CSGALNACT1: variants seen among roughly 807,000 people sequenced by gnomAD.
CSGALNACT1 encodes chondroitin sulfate N-acetylgalactosaminyltransferase 1, also known as beta4GalNAcT-1.
Under a neutral mutation model 51.0 loss-of-function variants are expected in CSGALNACT1, and 52 were observed. The observed-to-expected ratio is 1.02, with a 90% CI of 0.82 to 1.29. The LOEUF (loss-of-function observed/expected upper bound fraction) is 1.29, where lower values mean the gene tolerates loss of function less well. CSGALNACT1 is among the 50% of genes most tolerant of loss of function. The pLI is 0.00. For synonymous variants in CSGALNACT1, 341 were observed against 254.4 expected (o/e 1.34, Z -3.24); for missense variants, 935 against 679.2 (o/e 1.38, Z -4.19).
At chr8:19,410,042 C>T (rs1194890284) in intron 8 of CSGALNACT1, among the ~76,000 whole-genome samples, 1 of 152,150 alleles carries the variant, frequency 6.6e-6, no homozygotes, top group African/African-American at 2.4e-5. Context: ...TTCTTTAACT[C>T]TGTAACATAT....
At chr8:19,589,523 A>G (rs542450733) in intron 3 of CSGALNACT1, among the ~76,000 whole-genome samples, 52 of 152,238 alleles carry the variant, frequency 3.4e-4, no homozygotes, top group Non-Finnish European at 6.8e-4. Context: ...ATGGAGTTTA[A>G]TCACGTTGGG....
chr8:19,636,246 T>C (rs1564315598), intron 1 of CSGALNACT1, among the ~76,000 whole-genome samples: 1 of 152,214 alleles, frequency 6.6e-6, no homozygotes, highest in Non-Finnish European at 1.5e-5. Context: ...TATATTGTTA[T>C]AACTATTCCA....
intron 6 of CSGALNACT1, among the ~76,000 whole-genome samples, chr8:19,438,453 A>G (rs950230334): frequency 2.0e-5 from 3 of 152,192 alleles, no homozygotes; most frequent in Non-Finnish European, 4.4e-5. Flanking sequence ...AGGAATTTCT[A>G]TGTCACCTGC....
chr8:19,505,712 C>T (rs1216255862), exon 4 of CSGALNACT1: 2 of 1,614,212 alleles, frequency 1.2e-6, no homozygotes, highest in African/African-American at 2.7e-5. Context: ...GTGCCAGCTG[C>T]TCCTCGTCAC....
chr8:19,742,146 G>C (rs954973776), intron 1 of CSGALNACT1, among the ~76,000 whole-genome samples: 2 of 152,140 alleles, frequency 1.3e-5, no homozygotes, highest in African/African-American at 4.8e-5. Context: ...CTGAGACAGC[G>C]CTTGGCACAC....
intron 3 of CSGALNACT1, among the ~76,000 whole-genome samples, chr8:19,535,945 T>G (rs1375295438): frequency 6.6e-6 from 1 of 152,138 alleles, no homozygotes; most frequent in Non-Finnish European, 1.5e-5. Flanking sequence ...TTTTCACAAC[T>G]TTTGATAGAT....
chr8:19,516,598 C>T (rs929699493), intron 3 of CSGALNACT1, among the ~76,000 whole-genome samples: 2 of 152,244 alleles, frequency 1.3e-5, no homozygotes, highest in African/African-American at 4.8e-5. Flanking sequence ...ACTATCCTGA[C>T]AAATAATCCC....
intron 3 of CSGALNACT1, among the ~76,000 whole-genome samples, chr8:19,541,553 ATTTT>A (rs1159626193): frequency 2.9e-5 from 2 of 70,096 alleles, no homozygotes; most frequent in Non-Finnish European, 5.0e-5. Context: ...TGCTCAGCCA[ATTTT>A]TTTTTTTTTT....
chr8:19,725,210 C>T (rs947626582), intron 1 of CSGALNACT1, among the ~76,000 whole-genome samples: 3 of 152,190 alleles, frequency 2.0e-5, no homozygotes, highest in African/African-American at 7.2e-5. Context: ...GGCACTAAGC[C>T]TTGGCGAGCG....
chr8:19,433,947 G>A (rs2060003821), intron 6 of CSGALNACT1, among the ~76,000 whole-genome samples: 1 of 152,106 alleles, frequency 6.6e-6, no homozygotes, highest in Non-Finnish European at 1.5e-5. Context: ...GCCAGGCTGT[G>A]GTGATCACTG....
rs1044483296 is a variant in CSGALNACT1 at position 19,725,802 on chromosome 8, A to G, written c.-297+32048T>C. Among the ~76,000 whole-genome samples the G allele has an allele frequency of 1.1e-4, 17 of 152,196 alleles. 1 individual carries two copies. Among genetic ancestry groups the G allele is most frequent in the South Asian group, 8.3e-4 (4 of 4,818 alleles). ...TGAAAGGAAGATACACAGATTTCCC[A>G]TATACCCTCTACCCCCAACACATAC... On this transcript the variant is annotated intron_variant, in intron 1 of 1. Transcript: ENST00000517494.
chr8:19,751,741 G>A (rs556086413), intron 1 of CSGALNACT1, among the ~76,000 whole-genome samples: 39 of 152,112 alleles, frequency 2.6e-4, no homozygotes, highest in African/African-American at 9.4e-4. Context: ...CATGAGATCT[G>A]GTTGTTTGCA....
At chr8:19,428,706 C>T (rs949300414) in intron 6 of CSGALNACT1, among the ~76,000 whole-genome samples, 19 of 152,134 alleles carry the variant, frequency 1.2e-4, no homozygotes, top group African/African-American at 4.6e-4. Flanking sequence ...AAATAAACTA[C>T]TATACAGCAG....
chr8:19,424,139 C>CA (rs1173745257), intron 6 of CSGALNACT1, among the ~76,000 whole-genome samples: 1 of 152,162 alleles, frequency 6.6e-6, no homozygotes, highest in Non-Finnish European at 1.5e-5. Context: ...CCTGACCACT[C>CA]ACCAGGTCCT....
chr8:19,580,742 C>G (rs2045385923), intron 3 of CSGALNACT1, among the ~76,000 whole-genome samples: 1 of 152,010 alleles, frequency 6.6e-6, no homozygotes, highest in Non-Finnish European at 1.5e-5. Flanking sequence ...TTTTATTCAT[C>G]AAAATAGCAT....
chr8:19,484,563 C>A (rs145549564), intron 4 of CSGALNACT1, among the ~76,000 whole-genome samples: 1 of 152,084 alleles, frequency 6.6e-6, no homozygotes, highest in South Asian at 2.1e-4. Flanking sequence ...AGAAAGGAAA[C>A]GTTACTGGCA....
intron 1 of CSGALNACT1, among the ~76,000 whole-genome samples, chr8:19,740,390 G>A (rs1249369106): frequency 1.3e-5 from 2 of 152,164 alleles, no homozygotes; most frequent in African/African-American, 2.4e-5. Context: ...CTAGGCTTGG[G>A]GTGGGGGCAG....
At chr8:19,599,010 A>G (rs1052083952) in intron 2 of CSGALNACT1, among the ~76,000 whole-genome samples, 2 of 152,172 alleles carry the variant, frequency 1.3e-5, no homozygotes, top group Non-Finnish European at 2.9e-5. Context: ...ATGAGAAGAA[A>G]GTATGCTAGG....
At chr8:19,529,565 G>C (rs537384716) in intron 3 of CSGALNACT1, among the ~76,000 whole-genome samples, 2 of 152,260 alleles carry the variant, frequency 1.3e-5, no homozygotes, top group South Asian at 4.2e-4. Context: ...TAAATATCAG[G>C]AATAGTTATC....
Sources: gnomAD v4.1 joint callset for allele counts (sites outside exome capture counted in the v4.1 genomes callset) on GRCh38, gnomAD v4.1.1 for gene constraint, MANE v1.5 for transcripts, NCBI Gene and HGNC (gene_info 2026-07-23, HGNC 2026-07-21) for gene names.